ZBTB20: variants seen among roughly 807,000 people sequenced by gnomAD.
ZBTB20 encodes the protein zinc finger and BTB domain-containing protein 20.
A neutral mutation model predicts 56.9 loss-of-function variants in ZBTB20; 9 were observed. The ratio of observed to expected loss-of-function variants is 0.16; its 90% confidence interval spans 0.10 to 0.28. The LOEUF is 0.28. ZBTB20 is among the 10% of genes least tolerant of loss of function. The pLI is 1.00. For missense variants in ZBTB20, 655 were observed against 1,003.0 expected, an observed-to-expected ratio of 0.65 and a Z score of 4.69; for synonymous variants, 417 against 420.7, an observed-to-expected ratio of 0.99 and a Z score of 0.11.
chr3:114,767,636 A>C (rs1283216934), intron 5 of ZBTB20, among the ~76,000 whole-genome samples: 1 of 151,992 alleles, frequency 6.6e-6, no homozygotes, highest in African/African-American at 2.4e-5. Context: ...TGAGTTAAAA[A>C]GCAAGAAAGA....
chr3:115,006,001 TG>T (rs1458236890), intron 2 of ZBTB20, among the ~76,000 whole-genome samples: 2 of 140,174 alleles, frequency 1.4e-5, no homozygotes, highest in African/African-American at 2.5e-5. Flanking sequence ...CATTGCCAAA[TG>T]TTTTTTTTTT....
At chr3:114,432,310 A>C (rs1402248918) in intron 7 of ZBTB20, among the ~76,000 whole-genome samples, 2 of 152,200 alleles carry the variant, frequency 1.3e-5, no homozygotes, top group African/African-American at 4.8e-5. Flanking sequence ...GCAAAGAAAA[A>C]GCTTGGAAAA....
chr3:115,019,194 G>GT (rs2080103330), intron 2 of ZBTB20, among the ~76,000 whole-genome samples: 1 of 151,218 alleles, frequency 6.6e-6, no homozygotes, highest in Non-Finnish European at 1.5e-5. Context: ...TTATATAGCA[G>GT]TTTAAATCTG....
rs1054062738 is a variant in ZBTB20, at chr3:114,331,474, T to C, written c.*7531A>G. 9.9e-5 allele frequency: 15 copies of C among 152,134 alleles called. No homozygotes were observed. Among genetic ancestry groups the C allele is most frequent in the African/African-American group, 3.6e-4 (15 of 41,432 alleles). 9.4% of individuals were successfully genotyped at this position (152,134 alleles called of 1,614,324 possible). On this transcript the variant is annotated 3_prime_UTR_variant, in exon 12 of 12. Transcript: ENST00000675478. ...AGGGAGCCACAAGTCTTAAACACAATGGTGGGAAGAGGCAACTGTATCTAT... is the reference window on the plus strand; with the variant it reads ...AGGGAGCCACAAGTCTTAAACACAACGGTGGGAAGAGGCAACTGTATCTAT...
Position 114,339,511 on chromosome 3 carries a change from C to CA in ZBTB20, c.1805-86dup. On this transcript the variant is annotated intron_variant, in intron 11 of 11. Coordinates refer to ENST00000675478, the MANE Select transcript of ZBTB20 (RefSeq NM_001348800.3). This position sits in a 1 kb window ranked among gnomAD's most constrained non-coding sequence, Gnocchi z 4.2. ...ATGAAGGACAGGAAAAACAAGACAA[C>CA]AAAAAAGAAAAATAAAACAATTAAA... 1.4e-6 allele frequency: 2 copies of CA among 1,398,222 alleles called. No individual in the cohort carries two copies. Among genetic ancestry groups the CA allele is most frequent in the Non-Finnish European group, 1.9e-6 (2 of 1,045,240 alleles). 86.6% of individuals were successfully genotyped at this position (1,398,222 alleles called of 1,614,324 possible). A position where few individuals can be genotyped will look rare whatever the true frequency, so the allele number is the denominator to read the frequency against.
chr3:114,352,271 T>C (rs986731280), intron 10 of ZBTB20, among the ~76,000 whole-genome samples: 3 of 152,250 alleles, frequency 2.0e-5, no homozygotes, highest in Admixed American at 6.5e-5. Flanking sequence ...TTTTTATTTA[T>C]GTATTTATTT....
chr3:114,615,435 A>G (rs1039024382), intron 6 of ZBTB20, among the ~76,000 whole-genome samples: 1 of 152,176 alleles, frequency 6.6e-6, no homozygotes, highest in East Asian at 1.9e-4. Context: ...CAAGGCAAAG[A>G]AGGGCAAGTT....
chr3:114,786,776 A>C (rs973002672), intron 5 of ZBTB20, among the ~76,000 whole-genome samples: 1 of 152,078 alleles, frequency 6.6e-6, no homozygotes, highest in Non-Finnish European at 1.5e-5. Context: ...AAAAATACTA[A>C]TATCAAGTAT....
intron 2 of ZBTB20, among the ~76,000 whole-genome samples, chr3:114,997,655 T>C (rs2079081596): frequency 1.3e-5 from 2 of 151,872 alleles, no homozygotes; most frequent in South Asian, 2.1e-4. Flanking sequence ...ATAGAAAAGA[T>C]AAAATTAATC....
chr3:115,116,048 G>A, intron 1 of ZBTB20, among the ~76,000 whole-genome samples: 1 of 151,948 alleles, frequency 6.6e-6, no homozygotes, highest in African/African-American at 2.4e-5. Flanking sequence ...AATGGGCTTG[G>A]ATTATTAGTA....
intron 10 of ZBTB20, among the ~76,000 whole-genome samples, chr3:114,368,537 T>A (rs2082667461): frequency 6.6e-6 from 1 of 152,180 alleles, no homozygotes; most frequent in African/African-American, 2.4e-5. Flanking sequence ...CAGATTCTGA[T>A]TAGGATATGT....
At chr3:114,651,799 G>T (rs1250433417) in intron 6 of ZBTB20, among the ~76,000 whole-genome samples, 3 of 152,014 alleles carry the variant, frequency 2.0e-5, no homozygotes, top group Non-Finnish European at 4.4e-5. Flanking sequence ...CTGTATCTGG[G>T]CTTGTTAATT....
rs1398099679 is a variant in ZBTB20 at position 114,339,624 on chromosome 3, A to G, written c.1805-198T>C. ...CTCATGTGCAGAGAAATTTTGCTTT[A>G]TGGTGATGCCAGGACAGTTTTGTTT... On this transcript the variant is annotated intron_variant, in intron 11 of 11. Transcript: ENST00000675478. The surrounding 1 kb of genome is among the most constrained non-coding windows in gnomAD (Gnocchi z 4.2). 6.6e-6 allele frequency among the ~76,000 whole-genome samples: 1 copy of G among 152,224 alleles called. No homozygotes were observed. Among genetic ancestry groups the G allele is most frequent in the African/African-American group, 2.4e-5 (1 of 41,468 alleles).
chr3:114,530,737 T>A (rs1319709701), intron 6 of ZBTB20, among the ~76,000 whole-genome samples: 1 of 152,222 alleles, frequency 6.6e-6, no homozygotes, highest in Admixed American at 6.5e-5. Flanking sequence ...GATACTTTAC[T>A]CTCAGTGTCA....
chr3:114,820,945 C>G (rs554213921), intron 4 of ZBTB20, among the ~76,000 whole-genome samples: 2 of 152,068 alleles, frequency 1.3e-5, no homozygotes, highest in South Asian at 4.1e-4. Flanking sequence ...CAGGAATAAT[C>G]AATCTGAGAA....
intron 7 of ZBTB20, among the ~76,000 whole-genome samples, chr3:114,425,875 T>G (rs1466649312): frequency 6.6e-6 from 1 of 152,204 alleles, no homozygotes; most frequent in South Asian, 2.1e-4. Context: ...GTCTAATATA[T>G]CCAATGCCTC....
intron 5 of ZBTB20, among the ~76,000 whole-genome samples, chr3:114,716,935 T>C (rs1171857596): frequency 6.6e-6 from 1 of 151,896 alleles, no homozygotes; most frequent in Non-Finnish European, 1.5e-5. Context: ...GTGGGGGGTA[T>C]TCATTGAAGA....
In ZBTB20 at chr3:114,338,543, G is replaced by C. The variant is rs1346766066; in HGVS notation, c.*462C>G. On this transcript the variant is annotated 3_prime_UTR_variant, in exon 12 of 12. Transcript: ENST00000675478. ...AACTGGTTACTGTGAAGTCCAAGCG[G>C]CCAGAATTGTGAAAATGTCCACTGA... is the stretch of plus-strand genomic sequence containing the variant. 6.5e-6 allele frequency: 1 copy of C among 152,894 alleles called. No individual in the cohort carries two copies. The highest frequency in any genetic ancestry group is 1.5e-5 in the Non-Finnish European group (1 of 68,308). 9.5% of individuals were successfully genotyped at this position (152,894 alleles called of 1,614,324 possible).
intron 7 of ZBTB20, among the ~76,000 whole-genome samples, chr3:114,449,364 C>T (rs1449271389): frequency 6.6e-6 from 1 of 152,074 alleles, no homozygotes; most frequent in Non-Finnish European, 1.5e-5. Context: ...TCCACCATAA[C>T]TATAACAAAA....
Sources: gnomAD v4.1 joint callset for allele counts (sites outside exome capture counted in the v4.1 genomes callset) on GRCh38, gnomAD v4.1.1 for gene constraint, Gnocchi (gnomAD v3.1) non-coding constraint, MANE v1.5 for transcripts, NCBI Gene and HGNC (gene_info 2026-07-23, HGNC 2026-07-21) for gene names.